Variants in TMPRSS3 observed in about 807,000 individuals in gnomAD.
The protein encoded by TMPRSS3 is transmembrane serine protease 3.
TMPRSS3 carries 55 observed loss-of-function variants against 59.6 expected under a neutral mutation model. The ratio of observed to expected loss-of-function variants is 0.92; its 90% CI spans 0.74 to 1.16. TMPRSS3 has a LOEUF of 1.16. Among genes scored for constraint, TMPRSS3 ranks in the 50% most tolerant of loss-of-function variants. The pLI is 0.00. For synonymous variants in TMPRSS3, 257 were observed against 237.7 expected (o/e 1.08, Z -0.75); for missense variants, 596 against 579.4 (o/e 1.03, Z -0.29).
rs1342869252 is a variant in TMPRSS3, at chr21:42,380,332, C to T, written c.953-120G>A. The T allele has an allele frequency of 7.3e-6, 6 of 822,604 alleles. No individual in the cohort carries two copies. The East Asian group carries it at 1.6e-4, about 22-fold the overall frequency. The allele number at this position is 822,604 out of a possible 1,614,324, so 51.0% of individuals were successfully genotyped here. On this transcript the variant is annotated intron_variant, in intron 9 of 12. Transcript: ENST00000644384. Reference sequence around the variant, plus strand: ...ATCTCCCAAGGGAAGGAAGGTCAAGCCCTTGGTTACTTGAAAACGATCAGC... The same window carrying T: ...ATCTCCCAAGGGAAGGAAGGTCAAGTCCTTGGTTACTTGAAAACGATCAGC...
At chr21:42,380,064 G>A (rs2052497638) in intron 10 of TMPRSS3, 53 bp downstream of exon 10, 1 of 1,477,216 alleles carries the variant, frequency 6.8e-7, no homozygotes, top group African/African-American at 1.4e-5. Flanking sequence ...CCCCTCCGCA[G>A]CCCTCTGGGT....
At position 42,395,458 on chromosome 21, in the gene TMPRSS3, A is replaced by C. The variant is rs538734255; in HGVS notation, c.-41T>G. 1.4e-5 allele frequency: 22 copies of C among 1,523,792 alleles called. No individual in the cohort carries two copies. The East Asian group carries it at 4.7e-4, about 33-fold the overall frequency. 94.4% of individuals were successfully genotyped at this position (1,523,792 alleles called of 1,614,324 possible). On this transcript the variant is annotated 5_prime_UTR_variant, in exon 2 of 13. Coordinates refer to ENST00000644384, the MANE Select transcript of TMPRSS3 (RefSeq NM_001256317.3). ...ACCTCTGACATCCGGCTCCGCCTCC[A>C]CCTCTACCTCCTTAGCCGAGGAAGA... is the stretch of plus-strand genomic sequence containing the variant.
chr21:42,388,897 C>T lies in TMPRSS3; in HGVS notation c.322+32G>A. 1 of 1,592,426 alleles carries T rather than the reference C, an allele frequency of 6.3e-7. No individual in the cohort carries two copies. Among genetic ancestry groups the T allele is most frequent in the East Asian group, 2.2e-5 (1 of 44,786 alleles). On this transcript the variant is annotated intron_variant, in intron 4 of 12. Coordinates refer to ENST00000644384, the MANE Select transcript of TMPRSS3 (RefSeq NM_001256317.3). The surrounding 1 kb of genome is among the most constrained non-coding windows in gnomAD (Gnocchi z 5.1). The stretch of plus-strand genomic sequence containing the variant: ...CAGGGTTGGCTTCTGCTGCTTCCTT[C>T]TGTTTCCCCAGGGGAAGAGCCATGA...
rs1421518553 is a variant in TMPRSS3, at chr21:42,395,564, G to A, written c.-51-96C>T. 1.2e-5 allele frequency: 9 copies of A among 732,706 alleles called. No homozygotes were observed. The East Asian group carries it at 2.3e-4, about 19-fold the overall frequency. The allele number at this position is 732,706 out of a possible 1,614,324, so 45.4% of individuals were successfully genotyped here. ...TACGGTAAATCTTTGAAATTCGACA[G>A]TCCACACAAAGCGCATTCAGTATCG... On this transcript the variant is annotated intron_variant, in intron 1 of 12. Coordinates refer to ENST00000644384, the MANE Select transcript of TMPRSS3 (RefSeq NM_001256317.3).
intron 7 of TMPRSS3, 178 bp downstream of exon 7, chr21:42,383,792 G>A (rs1042362340): frequency 1.2e-5 from 9 of 742,140 alleles, no homozygotes; most frequent in South Asian, 7.4e-5. Flanking sequence ...AGGTGAGGCC[G>A]ACAGGTGAGG....
chr21:42,372,531 G>A lies in TMPRSS3; in HGVS notation c.*231C>T, dbSNP rs994201525. 7 of 665,716 alleles carry A rather than the reference G, an allele frequency of 1.1e-5. No individual in the cohort carries two copies. Among genetic ancestry groups the A allele is most frequent in the Middle Eastern group, 4.0e-4 (1 of 2,524 alleles). The allele number at this position is 665,716 out of a possible 1,614,324, so 41.2% of individuals were successfully genotyped here. ...GCAGGGATTTCGCCACTGCACTCCA[G>A]CCTGGGCAACAGAGCGAGACTCCAT... On this transcript the variant is annotated 3_prime_UTR_variant, in exon 13 of 13. Coordinates refer to ENST00000644384, the MANE Select transcript of TMPRSS3 (RefSeq NM_001256317.3).
chr21:42,383,565 C>A, intron 7 of TMPRSS3: 1 of 506,146 alleles, frequency 2.0e-6, no homozygotes, highest in South Asian at 2.0e-5. Flanking sequence ...GGTGCACGCA[C>A]CTCCCTGACT....
rs1326216017 is a variant in TMPRSS3, at chr21:42,395,927, A to G, written c.-52+15T>C. ...TGGTACACCTACCATAAGCATAAGT[A>G]GTTTCGGTACTCACATAATTCCCGA... On this transcript the variant is annotated intron_variant, in intron 1 of 12. Coordinates refer to ENST00000644384, the MANE Select transcript of TMPRSS3 (RefSeq NM_001256317.3). 1.9e-6 allele frequency: 1 copy of G among 518,874 alleles called. No homozygotes were observed. Among genetic ancestry groups the G allele is most frequent in the Non-Finnish European group, 3.8e-6 (1 of 259,802 alleles). 32.1% of individuals were successfully genotyped at this position (518,874 alleles called of 1,614,324 possible). A position where few individuals can be genotyped will look rare whatever the true frequency, so the allele number is the denominator to read the frequency against.
In TMPRSS3 at chr21:42,388,782, A is replaced by G. The variant is rs1042552623; in HGVS notation, c.322+147T>C. 2.2e-6 allele frequency: 2 copies of G among 918,078 alleles called. No homozygotes were observed. The highest frequency in any genetic ancestry group is 1.6e-5 in the African/African-American group (1 of 61,490). 56.9% of individuals were successfully genotyped at this position (918,078 alleles called of 1,614,324 possible). A position where few individuals can be genotyped will look rare whatever the true frequency, so the allele number is the denominator to read the frequency against. ...GCCCTCCCTGACCCCCCAGCCCAACATGTCTTTGGGCAAACGCCAGTTCAA... is the reference window on the plus strand; with the variant it reads ...GCCCTCCCTGACCCCCCAGCCCAACGTGTCTTTGGGCAAACGCCAGTTCAA... On this transcript the variant is annotated intron_variant, in intron 4 of 12. Coordinates refer to ENST00000644384, the MANE Select transcript of TMPRSS3 (RefSeq NM_001256317.3). The surrounding 1 kb of genome is among the most constrained non-coding windows in gnomAD (Gnocchi z 5.1).
At chr21:42,392,804 T>G (rs903675881) in intron 2 of TMPRSS3, among the ~76,000 whole-genome samples, 1 of 152,246 alleles carries the variant, frequency 6.6e-6, no homozygotes, top group South Asian at 2.1e-4. Context: ...TGTATTTAAG[T>G]TGGATTTAGA....
At chr21:42,381,369 C>T (rs2052525087) in intron 9 of TMPRSS3, among the ~76,000 whole-genome samples, 1 of 152,146 alleles carries the variant, frequency 6.6e-6, no homozygotes. Context: ...CATCTTTCAG[C>T]TTGTAAAGAA....
rs184006163 is a variant in TMPRSS3 at position 42,373,189 on chromosome 21, G to C, written c.1345-410C>G. ...ACGGGACACTTCCCCGCAAGACAGT[G>C]AGTCTTCCAAAGGCCCTCACGTTGA... On this transcript the variant is annotated intron_variant, in intron 12 of 12. Coordinates refer to ENST00000644384, the MANE Select transcript of TMPRSS3 (RefSeq NM_001256317.3). 1.6e-4 allele frequency among the ~76,000 whole-genome samples: 24 copies of C among 152,300 alleles called. No homozygotes were observed. The East Asian group carries it at 4.4e-3, about 28-fold the overall frequency.
At position 42,395,968 on chromosome 21, in the gene TMPRSS3, A is replaced by T. The variant is rs557132994; in HGVS notation, c.-78T>A. On this transcript the variant is annotated 5_prime_UTR_variant, in exon 1 of 13. Transcript: ENST00000644384. Reference sequence around the variant, plus strand: ...TAATTCCCGAGTCCCAAAAATGTAGATGGCACCACGGAAGAGATAGTAGGC... The same window carrying T: ...TAATTCCCGAGTCCCAAAAATGTAGTTGGCACCACGGAAGAGATAGTAGGC... 1.1e-4 allele frequency: 57 copies of T among 519,026 alleles called. No individual in the cohort carries two copies. The East Asian group carries it at 2.7e-3, about 24-fold the overall frequency. The allele number at this position is 519,026 out of a possible 1,614,324, so 32.2% of individuals were successfully genotyped here.
chr21:42,380,272 C>G, intron 9 of TMPRSS3, 60 bp from the exon 10 acceptor site: 1 of 1,378,252 alleles, frequency 7.3e-7, no homozygotes, highest in South Asian at 1.2e-5. Context: ...AGAAAACAAT[C>G]TCATCTATGC....
rs771095642 is a variant in TMPRSS3 at position 42,384,020 on chromosome 21, C to G, written c.573-7G>C. The G allele has an allele frequency of 3.1e-6, 5 of 1,613,652 alleles. No individual in the cohort carries two copies. Among genetic ancestry groups the G allele is most frequent in the South Asian group, 1.1e-5 (1 of 91,014 alleles). ...GCCAGAGGCACATCCCTCCCTAAAG[C>G]GGAGAAAAAGTAGGCTCTGTGAAAA... On this transcript the variant is annotated splice_polypyrimidine_tract_variant and splice_region_variant and intron_variant, in intron 6 of 12. Coordinates refer to ENST00000644384, the MANE Select transcript of TMPRSS3 (RefSeq NM_001256317.3).
chr21:42,390,275 T>C, intron 2 of TMPRSS3: 1 of 523,790 alleles, frequency 1.9e-6, no homozygotes, highest in Non-Finnish European at 3.5e-6. Context: ...TGCTATGGGT[T>C]GAATAGTATC....
intron 7 of TMPRSS3, chr21:42,383,440 G>A: frequency 3.4e-6 from 2 of 593,212 alleles, no homozygotes; most frequent in South Asian, 2.0e-5. Context: ...TGCCCTGCTT[G>A]GTCAGTGCCC....
At chr21:42,393,232 G>C (rs1002196969) in intron 2 of TMPRSS3, among the ~76,000 whole-genome samples, 2 of 143,902 alleles carry the variant, frequency 1.4e-5, no homozygotes, top group East Asian at 4.0e-4. Flanking sequence ...GCGACAGAGC[G>C]AGACCTCGTC....
In TMPRSS3 at chr21:42,388,900, T is replaced by C; in HGVS notation, c.322+29A>G. ...GGTTGGCTTCTGCTGCTTCCTTCTGTTTCCCCAGGGGAAGAGCCATGACCT... is the reference window on the plus strand; with the variant it reads ...GGTTGGCTTCTGCTGCTTCCTTCTGCTTCCCCAGGGGAAGAGCCATGACCT... On this transcript the variant is annotated intron_variant, in intron 4 of 12. Coordinates refer to ENST00000644384, the MANE Select transcript of TMPRSS3 (RefSeq NM_001256317.3). The surrounding 1 kb of genome is among the most constrained non-coding windows in gnomAD (Gnocchi z 5.1). The C allele has an allele frequency of 1.3e-6, 2 of 1,597,662 alleles. No individual in the cohort carries two copies. Among genetic ancestry groups the C allele is most frequent in the Non-Finnish European group, 1.7e-6 (2 of 1,165,402 alleles).
Sources: allele counts gnomAD v4.1 joint callset (sites outside exome capture counted in the v4.1 genomes callset), GRCh38; gene constraint gnomAD v4.1.1; non-coding constraint Gnocchi (gnomAD v3.1); transcripts MANE v1.5; gene names NCBI Gene and HGNC (gene_info 2026-07-23, HGNC 2026-07-21).